ANO3: variants seen among roughly 807,000 people sequenced by gnomAD.
ANO3 encodes anoctamin-3.
In ANO3, 99 loss-of-function variants were observed where a neutral mutation model predicts 144.8. That is an observed-to-expected ratio of 0.68 (90% CI 0.58 to 0.81). The LOEUF (loss-of-function observed/expected upper bound fraction) is 0.81. Ranked by LOEUF, ANO3 falls within the 30% of genes least tolerant of loss-of-function variation. The pLI, the probability that ANO3 is intolerant of heterozygous loss-of-function variation, is 0.00. For missense variants in ANO3, 905 were observed against 1,202.2 expected, an observed-to-expected ratio of 0.75 and a Z score of 3.66; for synonymous variants, 414 against 392.6, an observed-to-expected ratio of 1.05 and a Z score of -0.64.
intron 7 of ANO3, among the ~76,000 whole-genome samples, chr11:26,528,462 C>A (rs555475502): frequency 1.3e-5 from 2 of 152,026 alleles, no homozygotes; most frequent in African/African-American, 4.8e-5. Flanking sequence ...GTCTGAAAAC[C>A]CTTTTATTCT....
intron 1 of ANO3, among the ~76,000 whole-genome samples, chr11:26,382,143 C>A (rs949423813): frequency 1.3e-5 from 2 of 152,094 alleles, no homozygotes; most frequent in African/African-American, 4.8e-5. Context: ...GCTTTCTGGG[C>A]TTACCAGTTT....
intron 4 of ANO3, among the ~76,000 whole-genome samples, chr11:26,468,007 G>A (rs1859660191): frequency 6.6e-6 from 1 of 151,862 alleles, no homozygotes; most frequent in South Asian, 2.1e-4. Context: ...TGAATATGGA[G>A]AACACTGAGA....
At chr11:26,216,965 G>A (rs4313532) in intron 1 of ANO3, among the ~76,000 whole-genome samples, 45,917 of 151,876 alleles carry the variant, frequency 0.3, 7,684 homozygotes, top group Non-Finnish European at 0.37. Context: ...TTGTATACAA[G>A]TCCTTTGTCA....
Position 26,503,641 on chromosome 11 carries a change from T to A in ANO3, c.433-4463T>A, listed in dbSNP as rs182912008. Among the ~76,000 whole-genome samples the A allele has an allele frequency of 5.8e-3, 880 of 152,212 alleles. 5 individuals carry two copies. The highest frequency in any genetic ancestry group is 8.4e-3 in the Non-Finnish European group (574 of 67,974). On this transcript the variant is annotated intron_variant, in intron 4 of 26. Transcript: ENST00000256737. ...AACTCATCATTAAACATTTAGAATT[T>A]ATATAATAATTAAAAATTCATTTAG...
chr11:26,383,140 T>C (rs566452906), intron 1 of ANO3, among the ~76,000 whole-genome samples: 1 of 152,266 alleles, frequency 6.6e-6, no homozygotes, highest in African/African-American at 2.4e-5. Flanking sequence ...AGGATTTTAG[T>C]GATCAAATGA....
At chr11:26,652,088 C>T (rs1853552006) in intron 24 of ANO3, among the ~76,000 whole-genome samples, 1 of 152,150 alleles carries the variant, frequency 6.6e-6, no homozygotes, top group African/African-American at 2.4e-5. Flanking sequence ...ATTGCAGAAT[C>T]ACATCGTTGG....
At chr11:26,575,572 A>G (rs1850964795) in intron 14 of ANO3, among the ~76,000 whole-genome samples, 1 of 152,152 alleles carries the variant, frequency 6.6e-6, no homozygotes, top group South Asian at 2.1e-4. Context: ...ATTTATTTTA[A>G]AATGTCCATT....
chr11:26,337,860 G>T (rs907194345), intron 1 of ANO3, among the ~76,000 whole-genome samples: 1 of 152,052 alleles, frequency 6.6e-6, no homozygotes, highest in Non-Finnish European at 1.5e-5. Flanking sequence ...ACTTGAACCA[G>T]GGAGGCAGAT....
Position 26,249,570 on chromosome 11 carries a change from T to TA in ANO3, c.155-60075_155-60074insA, listed in dbSNP as rs1564933581. On this transcript the variant is annotated intron_variant, in intron 1 of 27. Coordinates refer to the ANO3 transcript ENST00000672621. Reference sequence around the variant, plus strand: ...GTGCTAAATTAACTCATGATTTTTTTTAAAAAAAAGGAATAAATGAAAAGG... The same window carrying TA: ...GTGCTAAATTAACTCATGATTTTTTTATAAAAAAAAGGAATAAATGAAAAGG... Among the ~76,000 whole-genome samples the TA allele has an allele frequency of 4.3e-4, 65 of 151,862 alleles. No individual in the cohort carries two copies. The East Asian group carries it at 6.6e-3, about 15-fold the overall frequency.
chr11:26,283,682 T>C (rs921402206), intron 1 of ANO3, among the ~76,000 whole-genome samples: 1 of 152,114 alleles, frequency 6.6e-6, no homozygotes, highest in Non-Finnish European at 1.5e-5. Context: ...AATCTATTTA[T>C]CTATTCAATA....
chr11:26,312,835 T>C (rs912533887), intron 1 of ANO3, among the ~76,000 whole-genome samples: 1 of 152,234 alleles, frequency 6.6e-6, no homozygotes, highest in East Asian at 1.9e-4. Flanking sequence ...GCAGAGGCTC[T>C]TTAGTTTAAT....
chr11:26,585,876 G>A (rs763167527), intron 14 of ANO3, among the ~76,000 whole-genome samples: 13 of 152,060 alleles, frequency 8.5e-5, no homozygotes, highest in South Asian at 4.2e-4. Flanking sequence ...TGTAGTTCCC[G>A]TTCAGATTTT....
intron 14 of ANO3, among the ~76,000 whole-genome samples, chr11:26,588,578 T>C (rs1385421037): frequency 1.3e-5 from 2 of 152,190 alleles, no homozygotes; most frequent in Non-Finnish European, 2.9e-5. Context: ...TTTTTATATT[T>C]TGTGAAAGAT....
chr11:26,605,329 T>C (rs1415691225), intron 17 of ANO3, among the ~76,000 whole-genome samples: 4 of 152,182 alleles, frequency 2.6e-5, no homozygotes, highest in Admixed American at 6.5e-5. Context: ...CAATATTTTA[T>C]TGAGGATTTT....
intron 4 of ANO3, among the ~76,000 whole-genome samples, chr11:26,492,366 T>C (rs188558523): frequency 1.3e-5 from 2 of 152,324 alleles, no homozygotes; most frequent in East Asian, 1.9e-4. Context: ...TATGGGTCAT[T>C]CTACTTATAT....
At chr11:26,588,925 G>A (rs964354534) in intron 14 of ANO3, among the ~76,000 whole-genome samples, 2 of 152,180 alleles carry the variant, frequency 1.3e-5, no homozygotes, top group Admixed American at 6.5e-5. Context: ...TCCAGTGCTT[G>A]GAGATTCTAA....
intron 1 of ANO3, among the ~76,000 whole-genome samples, chr11:26,302,899 G>T (rs1854271028): frequency 6.6e-6 from 1 of 152,064 alleles, no homozygotes; most frequent in South Asian, 2.1e-4. Context: ...CAAAGGAAAT[G>T]AATAGACATT....
chr11:26,594,166 A>G (rs1286681343), intron 14 of ANO3, among the ~76,000 whole-genome samples: 2 of 152,070 alleles, frequency 1.3e-5, no homozygotes, highest in African/African-American at 4.8e-5. Flanking sequence ...TCTTCTTCCT[A>G]GTTTTCCTTA....
At chr11:26,567,569 T>A (rs1010824093) in intron 14 of ANO3, among the ~76,000 whole-genome samples, 3 of 152,024 alleles carry the variant, frequency 2.0e-5, no homozygotes, top group Admixed American at 6.6e-5. Context: ...CTATAATATA[T>A]GTTAGTTATC....
Sources: allele counts gnomAD v4.1 joint callset (sites outside exome capture counted in the v4.1 genomes callset), GRCh38; gene constraint gnomAD v4.1.1; transcripts MANE v1.5; gene names NCBI Gene and HGNC (gene_info 2026-07-23, HGNC 2026-07-21).